The following RALGAPA1 variants were observed in gnomAD, a reference collection of about 807,000 sequenced individuals.
RALGAPA1 encodes the protein Ral GTPase activating protein catalytic subunit alpha 1.
Under a neutral mutation model 269.6 loss-of-function variants are expected in RALGAPA1, and 52 were observed. The observed-to-expected ratio is 0.19, with a 90% CI of 0.15 to 0.24. RALGAPA1 has a LOEUF of 0.24. Among genes scored for constraint, RALGAPA1 ranks in the 10% least tolerant of loss-of-function variants. The pLI is 1.00. For missense variants in RALGAPA1, 1,917 were observed against 3,013.9 expected (o/e 0.64, Z 8.52); for synonymous variants, 817 against 1,008.3 (o/e 0.81, Z 3.60).
At chr14:35,691,053 G>C (rs2066436022) in intron 17 of RALGAPA1, among the ~76,000 whole-genome samples, 1 of 151,218 alleles carries the variant, frequency 6.6e-6, no homozygotes, top group African/African-American at 2.4e-5. Context: ...TGGGCAACAA[G>C]AGCAAAACTC....
At chr14:35,679,840 T>C (rs2140330405) in intron 21 of RALGAPA1, among the ~76,000 whole-genome samples, 1 of 152,312 alleles carries the variant, frequency 6.6e-6, no homozygotes, top group Middle Eastern at 3.4e-3. Context: ...ATCACAATAA[T>C]CATATAATCA....
chr14:35,544,607 GTCTTATTTAAGATTATTACTTGCC>G (rs1250869571), intron 41 of RALGAPA1, among the ~76,000 whole-genome samples: 13 of 152,160 alleles, frequency 8.5e-5, no homozygotes, highest in African/African-American at 3.1e-4. Flanking sequence ...AGGTTAGTGG[GTCTTATTTAAGATTATTACTTGCC>G]TCTTGGTCAA....
intron 17 of RALGAPA1, among the ~76,000 whole-genome samples, chr14:35,693,128 T>G (rs1452511177): frequency 1.3e-5 from 2 of 151,966 alleles, no homozygotes; most frequent in African/African-American, 4.8e-5. Context: ...TGTTTTGTAC[T>G]CATGAAATAA....
intron 10 of RALGAPA1, among the ~76,000 whole-genome samples, chr14:35,746,024 G>A (rs1325155865): frequency 6.6e-6 from 1 of 152,052 alleles, no homozygotes; most frequent in African/African-American, 2.4e-5. Context: ...AGTGAGTTGT[G>A]ATCACACCAC....
intron 9 of RALGAPA1, among the ~76,000 whole-genome samples, chr14:35,749,934 T>G (rs1195744586): frequency 1.3e-5 from 2 of 151,648 alleles, no homozygotes; most frequent in Non-Finnish European, 2.9e-5. Flanking sequence ...TTTAGAAAAA[T>G]GTACGAGGGA....
rs2140970062 is a variant in RALGAPA1, at chr14:35,723,250, G to A, written c.1881C>T (p.Ala627=). The A allele has an allele frequency of 1.3e-6, 2 of 1,599,090 alleles. No homozygotes were observed. Among genetic ancestry groups the A allele is most frequent in the Non-Finnish European group, 8.6e-7 (1 of 1,167,306 alleles). The change falls in exon 15 of 42, where the codon GCC becomes GCT. Residue 627 remains alanine (A), a synonymous_variant. Transcript: ENST00000680220. ...ACACATTTAGGTTTGCTTTGATCCA[G>A]GCAACTATAAGGGTCTATAAAGACA... ...AGPLFQTLIV[A]WIKANLNVYI...
intron 1 of RALGAPA1, among the ~76,000 whole-genome samples, chr14:35,799,659 A>G (rs2076834992): frequency 6.6e-6 from 1 of 152,166 alleles, no homozygotes; most frequent in Non-Finnish European, 1.5e-5. Flanking sequence ...TTACTCAACT[A>G]ATTCAAAAGA....
intron 12 of RALGAPA1, among the ~76,000 whole-genome samples, chr14:35,736,510 T>G (rs1342624019): frequency 6.6e-6 from 1 of 152,086 alleles, no homozygotes; most frequent in African/African-American, 2.4e-5. Context: ...GGTCAGGGCT[T>G]TACAGAAAAA....
chr14:35,733,253 G>A (rs185075510), intron 12 of RALGAPA1, among the ~76,000 whole-genome samples: 2,368 of 152,182 alleles, frequency 0.016, 25 homozygotes, highest in South Asian at 0.031. Flanking sequence ...TGAGGCGGGC[G>A]GATCACCTGA....
At chr14:35,602,922 A>G (rs1004176132) in intron 36 of RALGAPA1, among the ~76,000 whole-genome samples, 9 of 152,134 alleles carry the variant, frequency 5.9e-5, no homozygotes, top group African/African-American at 2.2e-4. Context: ...ATTTTTGTAT[A>G]TGGTATGGGG....
At chr14:35,767,575 C>T (rs28830468) in intron 4 of RALGAPA1, among the ~76,000 whole-genome samples, 16,869 of 151,950 alleles carry the variant, frequency 0.11, 1,537 homozygotes, top group East Asian at 0.37. Context: ...ATAGTCCCAG[C>T]TACTCAGGAG....
chr14:35,765,848 T>C (rs2074097362), intron 4 of RALGAPA1: 5 of 686,348 alleles, frequency 7.3e-6, no homozygotes, highest in South Asian at 1.7e-5. Flanking sequence ...AATGCTATAG[T>C]AGTTCCGAAA....
chr14:35,806,769 G>A (rs747726835), intron 1 of RALGAPA1, among the ~76,000 whole-genome samples: 27 of 152,048 alleles, frequency 1.8e-4, no homozygotes, highest in South Asian at 4.2e-4. Context: ...TTTAAAGCCC[G>A]CACCTACTTC....
At chr14:35,786,733 TA>T (rs768158214) in intron 1 of RALGAPA1, among the ~76,000 whole-genome samples, 31 of 152,360 alleles carry the variant, frequency 2.0e-4, no homozygotes, top group South Asian at 2.1e-4. Context: ...ATCGAAATTT[TA>T]AGGTCGAGGC....
chr14:35,587,301 G>C (rs1411446641), intron 37 of RALGAPA1, among the ~76,000 whole-genome samples: 1 of 152,180 alleles, frequency 6.6e-6, no homozygotes, highest in African/African-American at 2.4e-5. Flanking sequence ...CATTGTGGAA[G>C]ACAGTGTGGC....
At chr14:35,640,605 G>A (rs78989164) in intron 31 of RALGAPA1, among the ~76,000 whole-genome samples, 185 of 152,178 alleles carry the variant, frequency 1.2e-3, no homozygotes, top group African/African-American at 4.0e-3. Context: ...TAAAAAGTCT[G>A]TCACCAAAGA....
intron 31 of RALGAPA1, among the ~76,000 whole-genome samples, chr14:35,647,603 C>T (rs1258842782): frequency 6.6e-6 from 1 of 152,032 alleles, no homozygotes; most frequent in Non-Finnish European, 1.5e-5. Flanking sequence ...GGAGAAGAAC[C>T]AGTGGATTTA....
At chr14:35,796,783 G>A (rs1192748264) in intron 1 of RALGAPA1, among the ~76,000 whole-genome samples, 1 of 150,272 alleles carries the variant, frequency 6.7e-6, no homozygotes, top group Admixed American at 6.6e-5. Flanking sequence ...CAGAACAAAA[G>A]TATCCTTTTT....
intron 35 of RALGAPA1, among the ~76,000 whole-genome samples, chr14:35,623,772 C>A (rs575842993): frequency 4.6e-5 from 7 of 152,266 alleles, no homozygotes; most frequent in South Asian, 2.1e-4. Flanking sequence ...AATCATAAAA[C>A]CTGGCATCAT....
Sources: gnomAD v4.1 joint callset for allele counts (sites outside exome capture counted in the v4.1 genomes callset) on GRCh38, gnomAD v4.1.1 for gene constraint, MANE v1.5 for transcripts, NCBI Gene and HGNC (gene_info 2026-07-23, HGNC 2026-07-21) for gene names.